ZNF607: variants seen among roughly 807,000 people sequenced by gnomAD.
The protein encoded by ZNF607 is zinc finger protein 607.
ZNF607 carries 5 observed loss-of-function variants against 12.8 expected under a neutral mutation model. The observed-to-expected ratio is 0.39, with a 90% CI of 0.20 to 0.82. ZNF607 has a LOEUF of 0.82. Ranked by LOEUF, ZNF607 falls within the 40% of genes least tolerant of loss-of-function variation. The probability of loss-of-function intolerance (pLI) is 0.39; values close to 1 mark genes in which losing one functional copy is unlikely to be tolerated. For synonymous variants in ZNF607, 287 were observed against 276.2 expected (o/e 1.04, Z -0.39); for missense variants, 851 against 859.2 (o/e 0.99, Z 0.12).
chr19:37,697,484 T>G lies in ZNF607; in HGVS notation c.*556A>C, dbSNP rs1024482998. The G allele has an allele frequency of 9.2e-6, 6 of 649,208 alleles. No individual in the cohort carries two copies. The highest frequency in any genetic ancestry group is 1.6e-5 in the South Asian group (1 of 63,598). 40.2% of individuals were successfully genotyped at this position (649,208 alleles called of 1,614,324 possible). A position where few individuals can be genotyped will look rare whatever the true frequency, so the allele number is the denominator to read the frequency against. ...TCATGTAATTCTAACAGCACTATACTGTAGGTACTACTATCATCATTTATA... is the reference window on the plus strand; with the variant it reads ...TCATGTAATTCTAACAGCACTATACGGTAGGTACTACTATCATCATTTATA... On this transcript the variant is annotated 3_prime_UTR_variant, in exon 5 of 5. Coordinates refer to ENST00000355202, the MANE Select transcript of ZNF607 (RefSeq NM_032689.5).
rs962234258 is a variant in ZNF607 at position 37,719,362 on chromosome 19, G to C, written c.-168C>G. On this transcript the variant is annotated 5_prime_UTR_variant, in exon 1 of 5. Coordinates refer to ENST00000355202, the MANE Select transcript of ZNF607 (RefSeq NM_032689.5). The stretch of plus-strand genomic sequence containing the variant: ...TCACGCTCCCCGCCTGTCTCCTAGA[G>C]ACGGGCCCCTCCTCCGCAGCTCCAG... The C allele has an allele frequency of 6.5e-6, 1 of 152,946 alleles. No individual in the cohort carries two copies. Among genetic ancestry groups the C allele is most frequent in the African/African-American group, 2.4e-5 (1 of 41,480 alleles). 9.5% of individuals were successfully genotyped at this position (152,946 alleles called of 1,614,324 possible).
intron 1 of ZNF607, among the ~76,000 whole-genome samples, chr19:37,714,602 AC>A (rs2045160812): frequency 6.6e-6 from 1 of 150,904 alleles, no homozygotes; most frequent in African/African-American, 2.4e-5. Context: ...AAAATTAGTT[AC>A]GTGGTATCCT....
In ZNF607 at chr19:37,699,451, C is replaced by A. The variant is rs539672039; in HGVS notation, c.680G>T (p.Cys227Phe). The A allele has an allele frequency of 1.2e-6, 2 of 1,614,058 alleles. No individual in the cohort carries two copies. The highest frequency in any genetic ancestry group is 2.7e-5 in the African/African-American group (2 of 75,042). The change falls in exon 5 of 5, where the codon TGT becomes TTT. Residue 227 changes from cysteine (C) to phenylalanine (F), a missense_variant. Transcript: ENST00000355202. ...RFHYGEKPYE[C>F]KECGKAFSVY... The stretch of plus-strand genomic sequence containing the variant: ...ACTAAAGGCCTTGCCACATTCCTTA[C>A]ATTCGTAGGGTTTCTCACCATAATG...
In ZNF607 at chr19:37,698,334, A is replaced by C; in HGVS notation, c.1797T>G (p.Ser599Arg). The change falls in exon 5 of 5, where the codon AGT becomes AGG. Residue 599 changes from serine to arginine, a missense_variant. By Grantham distance (110) the Ser-to-Arg change is moderately radical. Transcript: ENST00000355202. ...YECKECGETFSHASHLIIHER... is the reference protein window; with the variant it reads ...YECKECGETFRHASHLIIHER... ...CATGAATAATAAGATGTGAAGCATG[A>C]CTAAAAGTTTCCCCACATTCTTTAC... 1 of 1,614,158 alleles carries C rather than the reference A, an allele frequency of 6.2e-7. No individual in the cohort carries two copies. Among genetic ancestry groups the C allele is most frequent in the Non-Finnish European group, 8.5e-7 (1 of 1,180,004 alleles).
rs764389990 is a variant in ZNF607, at chr19:37,698,696, A to T, written c.1435T>A (p.Cys479Ser). Reference sequence around the variant, plus strand: ...CTAAAACCCTTCCCACACTCTTGACATACATAGGGTTTCTCTCCTGTATGA... The same window carrying T: ...CTAAAACCCTTCCCACACTCTTGACTTACATAGGGTTTCTCTCCTGTATGA... The part of the protein sequence containing the change: ...RIHTGEKPYV[C>S]QECGKGFSYS... Residue 479 changes from cysteine (C) to serine (S), a missense_variant, in exon 5 of 5, where the codon TGT (cysteine) becomes AGT (serine). Cys to Ser is a moderately radical substitution (Grantham distance 112). Transcript: ENST00000355202. 1 of 1,613,354 alleles carries T rather than the reference A, an allele frequency of 6.2e-7. No homozygotes were observed. The highest frequency in any genetic ancestry group is 2.2e-5 in the East Asian group (1 of 44,846).
Position 37,709,762 on chromosome 19 carries a change from T to C in ZNF607, c.70A>G (p.Ser24Gly). ...TGGTACAAGGTCTTCTGAACCAGGC[T>C]GAGATATTCCCACTCCTGATGAGAG... is the stretch of plus-strand genomic sequence containing the variant. ...DFSHQEWEYL[S>G]LVQKTLYQEV... The change falls in exon 3 of 5, where the codon AGC becomes GGC. Residue 24 changes from serine to glycine, a missense_variant. By Grantham distance (56) the Ser-to-Gly change is moderately conservative. Coordinates refer to ENST00000355202, the MANE Select transcript of ZNF607 (RefSeq NM_032689.5). 1.2e-6 allele frequency: 2 copies of C among 1,610,656 alleles called. No individual in the cohort carries two copies. Among genetic ancestry groups the C allele is most frequent in the Non-Finnish European group, 1.7e-6 (2 of 1,176,820 alleles).
At position 37,719,392 on chromosome 19, in the gene ZNF607, C is replaced by T. The variant is rs1451296024; in HGVS notation, c.-198G>A. On this transcript the variant is annotated 5_prime_UTR_variant, in exon 1 of 5. Coordinates refer to ENST00000355202, the MANE Select transcript of ZNF607 (RefSeq NM_032689.5). ...GCCCCTCCTCCGCAGCTCCAGCACC[C>T]TAGGGCCTGAGGAGGCGGGAGACTC... The T allele has an allele frequency of 1.3e-5, 2 of 152,804 alleles. No homozygotes were observed. The highest frequency in any genetic ancestry group is 2.9e-5 in the Non-Finnish European group (2 of 68,168). The allele number at this position is 152,804 out of a possible 1,614,324, so 9.5% of individuals were successfully genotyped here.
chr19:37,713,909 A>G (rs769790866), intron 1 of ZNF607, among the ~76,000 whole-genome samples: 1 of 152,222 alleles, frequency 6.6e-6, no homozygotes, highest in Non-Finnish European at 1.5e-5. Flanking sequence ...TAGGTTAAAC[A>G]TATTATTCTC....
At chr19:37,708,619 T>C (rs2045106503) in intron 3 of ZNF607, among the ~76,000 whole-genome samples, 2 of 151,118 alleles carry the variant, frequency 1.3e-5, no homozygotes, top group African/African-American at 4.9e-5. Flanking sequence ...CCCCAGCACT[T>C]TGGGAGGCCC....
At chr19:37,714,505 A>G (rs566042371) in intron 1 of ZNF607, among the ~76,000 whole-genome samples, 18 of 149,544 alleles carry the variant, frequency 1.2e-4, no homozygotes, top group Non-Finnish European at 1.5e-5. Flanking sequence ...CCGAGGTTGC[A>G]GTGAGCCAAG....
At position 37,698,862 on chromosome 19, in the gene ZNF607, A is replaced by G. The variant is rs1250077419; in HGVS notation, c.1269T>C (p.Cys423=). The G allele has an allele frequency of 6.2e-7, 1 of 1,614,062 alleles. No homozygotes were observed. Residue 423 remains cysteine, a synonymous_variant, in exon 5 of 5, where the codon TGT becomes TGC. Transcript: ENST00000355202. ...NIHTGEKPYK[C]KECGKAFSQR... ...GACTGAAGGCCTTCCCACATTCCTT[A>G]CATTTGTAGGGTTTCTCACCGGTAT...
intron 1 of ZNF607, among the ~76,000 whole-genome samples, chr19:37,714,905 C>CTTTTTTTT (rs1568408219): frequency 5.1e-4 from 19 of 37,360 alleles, no homozygotes; most frequent in African/African-American, 1.2e-3. Context: ...TCCTGTTTTT[C>CTTTTTTTT]TTTCTTTCTT....
In ZNF607 at chr19:37,699,228, T is replaced by C; in HGVS notation, c.903A>G (p.Arg301=). The change falls in exon 5 of 5, where the codon AGA becomes AGG. Residue 301 remains arginine, a synonymous_variant. Coordinates refer to ENST00000355202, the MANE Select transcript of ZNF607 (RefSeq NM_032689.5). Reference sequence around the variant, plus strand: ...CATAGGGTTTTTCTCCAGTATGAATTCTTTTATGACCCACAAGGTGGGAAA... The same window carrying C: ...CATAGGGTTTTTCTCCAGTATGAATCCTTTTATGACCCACAAGGTGGGAAA... ...RQFSHLVGHK[R]IHTGEKPYEC... 6.2e-7 allele frequency: 1 copy of C among 1,614,148 alleles called. No homozygotes were observed. Among genetic ancestry groups the C allele is most frequent in the Non-Finnish European group, 8.5e-7 (1 of 1,180,022 alleles).
intron 4 of ZNF607, among the ~76,000 whole-genome samples, chr19:37,704,573 C>T (rs1002534906): frequency 6.7e-6 from 1 of 150,164 alleles, no homozygotes. Flanking sequence ...AAAATGGACA[C>T]ACAATGTATC....
At chr19:37,709,999 C>A (rs2145241746) in intron 2 of ZNF607, among the ~76,000 whole-genome samples, 177 bp from the exon 3 acceptor site, 1 of 151,222 alleles carries the variant, frequency 6.6e-6, no homozygotes, top group East Asian at 2.0e-4. Context: ...TACTAAAATA[C>A]AAAAAATTAG....
intron 1 of ZNF607, among the ~76,000 whole-genome samples, chr19:37,713,524 C>G (rs2071758228): frequency 6.6e-6 from 1 of 151,914 alleles, no homozygotes; most frequent in African/African-American, 2.4e-5. Context: ...CAAACTCCGC[C>G]TTCTGGTTTC....
In ZNF607 at chr19:37,698,145, T is replaced by A; in HGVS notation, c.1986A>T (p.Ile662=). 6.2e-7 allele frequency: 1 copy of A among 1,614,090 alleles called. No homozygotes were observed. Among genetic ancestry groups the A allele is most frequent in the South Asian group, 1.1e-5 (1 of 91,080 alleles). ...TCTCACCAGTATGAACTCTATGATG[T>A]ATACTAAGTTCATGGCTACTATTAA... ...KAFNSSHELS[I]HHRVHTGEKP... Residue 662 remains isoleucine, a synonymous_variant, in exon 5 of 5, where the codon ATA becomes ATT. Coordinates refer to ENST00000355202, the MANE Select transcript of ZNF607 (RefSeq NM_032689.5).
Position 37,698,924 on chromosome 19 carries a change from TA to T in ZNF607, c.1206del (p.Phe402LeufsTer123). Reference protein sequence around the residue: ...PYECNKCGKSFRLNSSLKIHQ... With the variant: ...PYECNKCGKSXRLNSSLKIHQ... ...TGTATTTTAAGGGATGAATTGAGCC[TA>T]AAGGACTTCCCACATTTGTTACATT... On this transcript the variant is annotated frameshift_variant, in exon 5 of 5. Coordinates refer to ENST00000355202, the MANE Select transcript of ZNF607 (RefSeq NM_032689.5). LOFTEE classifies it low-confidence loss of function (END_TRUNC). The T allele has an allele frequency of 6.2e-7, 1 of 1,614,082 alleles. No individual in the cohort carries two copies. The highest frequency in any genetic ancestry group is 1.1e-5 in the South Asian group (1 of 91,078).
intron 1 of ZNF607, among the ~76,000 whole-genome samples, chr19:37,715,352 C>A (rs1281977428): frequency 6.6e-6 from 1 of 151,244 alleles, no homozygotes; most frequent in South Asian, 2.1e-4. Context: ...TGGTGGCTCA[C>A]GCCTGTAATC....
Sources: gnomAD v4.1 joint callset for allele counts (sites outside exome capture counted in the v4.1 genomes callset) on GRCh38, gnomAD v4.1.1 for gene constraint, MANE v1.5 for transcripts, NCBI Gene and HGNC (gene_info 2026-07-23, HGNC 2026-07-21) for gene names.